Variants in DPH5 observed in about 807,000 individuals in gnomAD.
The protein encoded by DPH5 is diphthamide biosynthesis 5, also known as diphthine methyl ester synthase.
DPH5 carries 31 observed loss-of-function variants against 31.6 expected under a neutral mutation model. The ratio of observed to expected loss-of-function variants is 0.98; its 90% CI spans 0.74 to 1.32. The LOEUF (loss-of-function observed/expected upper bound fraction) is 1.32. Among genes scored for constraint, DPH5 ranks in the 40% most tolerant of loss-of-function variants. DPH5 has a pLI of 0.00. For missense variants in DPH5, 309 were observed against 335.7 expected (o/e 0.92, Z 0.62); for synonymous variants, 120 against 115.0 (o/e 1.04, Z -0.28).
chr1:101,025,407 T>C lies in DPH5; in HGVS notation c.37A>G (p.Lys13Glu), dbSNP rs1434632493. ...YLIGLGLGDA[K>E]DITVKGLEVV... Reference sequence around the variant, plus strand: ...TCCAGGCCCTTGACTGTGATGTCCTTGGCATCTCCCAGGCCCAACCCGATG... The same window carrying C: ...TCCAGGCCCTTGACTGTGATGTCCTCGGCATCTCCCAGGCCCAACCCGATG... Residue 13 changes from lysine (K) to glutamate (E), a missense_variant, in exon 2 of 8, where the codon AAG (lysine) becomes GAG (glutamate). By Grantham distance (56) the Lys-to-Glu change is moderately conservative. Transcript: ENST00000370109. 3 of 1,614,186 alleles carry C rather than the reference T, an allele frequency of 1.9e-6. No homozygotes were observed. The South Asian group carries it at 3.3e-5, about 18-fold the overall frequency.
At chr1:101,006,474 A>G (rs1459280132) in intron 4 of DPH5, among the ~76,000 whole-genome samples, 3 of 152,174 alleles carry the variant, frequency 2.0e-5, no homozygotes, top group African/African-American at 7.2e-5. Flanking sequence ...CAGGTAGTCA[A>G]AAACTGTTCC....
intron 3 of DPH5, among the ~76,000 whole-genome samples, chr1:101,019,203 G>A (rs1475493926): frequency 6.6e-6 from 1 of 152,146 alleles, no homozygotes; most frequent in African/African-American, 2.4e-5. Context: ...AAGTTCTATT[G>A]ATTTAGTATA....
chr1:101,002,847 CAGGA>C (rs1558039212), intron 4 of DPH5, among the ~76,000 whole-genome samples: 1 of 152,092 alleles, frequency 6.6e-6, no homozygotes. Context: ...GGAAGACAAG[CAGGA>C]AGGAAACAGA....
chr1:101,024,577 A>C (rs1660691106), intron 2 of DPH5, among the ~76,000 whole-genome samples: 1 of 152,192 alleles, frequency 6.6e-6, no homozygotes, highest in African/African-American at 2.4e-5. Context: ...CATGACAATA[A>C]ATCTGCTCCC....
intron 5 of DPH5, among the ~76,000 whole-genome samples, chr1:100,998,841 G>A (rs962159761): frequency 2.0e-5 from 3 of 152,164 alleles, no homozygotes; most frequent in African/African-American, 7.2e-5. Context: ...TCAGGGTGCA[G>A]CACATGAGAT....
chr1:101,008,784 A>G lies in DPH5; in HGVS notation c.369+4926T>C, dbSNP rs529605664. 1.2e-3 allele frequency among the ~76,000 whole-genome samples: 178 copies of G among 152,232 alleles called. 1 individual carries two copies. The highest frequency in any genetic ancestry group is 4.2e-3 in the African/African-American group (173 of 41,528). The stretch of plus-strand genomic sequence containing the variant: ...CTTGCCTATCTAGCTAACTTCGTAT[A>G]ATTCATTTTTTTAACCACTTTACTG... On this transcript the variant is annotated intron_variant, in intron 4 of 7. Coordinates refer to ENST00000370109, the MANE Select transcript of DPH5 (RefSeq NM_015958.3).
chr1:101,011,895 C>CTTTT (rs11352737), intron 4 of DPH5, among the ~76,000 whole-genome samples: 50 of 108,160 alleles, frequency 4.6e-4, no homozygotes, highest in Middle Eastern at 6.3e-3. Flanking sequence ...ATTATCAATT[C>CTTTT]TTTTTTTTTT....
At chr1:100,993,549 C>T (rs1208913972) in intron 6 of DPH5, among the ~76,000 whole-genome samples, 16 of 52,914 alleles carry the variant, frequency 3.0e-4, no homozygotes, top group African/African-American at 1.0e-3. Flanking sequence ...AAGACTCTGT[C>T]GAAAATATAA....
chr1:100,997,657 A>G lies in DPH5; in HGVS notation c.491-2508T>C, dbSNP rs538000352. Among the ~76,000 whole-genome samples the G allele has an allele frequency of 1.4e-4, 22 of 152,198 alleles. No homozygotes were observed. In the South Asian group the frequency reaches 4.0e-3, roughly 27 times the overall value. ...TGGGATTACAGGCGTGAGCCACCGC[A>G]CCCGGCCTTTCCTGTCATTTTTAAT... On this transcript the variant is annotated intron_variant, in intron 5 of 7. Transcript: ENST00000370109.
At chr1:101,006,934 G>A (rs1289674984) in intron 4 of DPH5, among the ~76,000 whole-genome samples, 1 of 152,144 alleles carries the variant, frequency 6.6e-6, no homozygotes, top group Non-Finnish European at 1.5e-5. Flanking sequence ...AACTGATAAT[G>A]CAGTTTTTAT....
rs1660481189 is a variant in DPH5, at chr1:101,021,856, AC to A, written c.136-92del. On this transcript the variant is annotated intron_variant, in intron 2 of 7. Transcript: ENST00000370109. Reference sequence around the variant, plus strand: ...CACACACACACACACACACACACACACACTCTTTGTTTGGGACTGGTGCATA... The same window carrying A: ...CACACACACACACACACACACACACAACTCTTTGTTTGGGACTGGTGCATA... The A allele has an allele frequency of 5.2e-6, 6 of 1,146,166 alleles. No homozygotes were observed. In the African/African-American group the frequency reaches 9.8e-5, roughly 19 times the overall value. The allele number at this position is 1,146,166 out of a possible 1,614,324, so 71.0% of individuals were successfully genotyped here. A position where few individuals can be genotyped will look rare whatever the true frequency, so the allele number is the denominator to read the frequency against.
At chr1:101,013,585 G>C in intron 4 of DPH5, 125 bp downstream of exon 4, 2 of 630,776 alleles carry the variant, frequency 3.2e-6, no homozygotes, top group Non-Finnish European at 5.2e-6. Context: ...TATATACTAA[G>C]CAGCCTAGTA....
rs187261790 is a variant in DPH5 at position 101,002,313 on chromosome 1, T to A, written c.370-726A>T. ...AACTAGCTCACTTAAGTGAGTCCAATTTCAAATCTTATGTGAGAAAATCTA... is the reference window on the plus strand; with the variant it reads ...AACTAGCTCACTTAAGTGAGTCCAAATTCAAATCTTATGTGAGAAAATCTA... On this transcript the variant is annotated intron_variant, in intron 4 of 7. Coordinates refer to ENST00000370109, the MANE Select transcript of DPH5 (RefSeq NM_015958.3). 1.8e-3 allele frequency among the ~76,000 whole-genome samples: 280 copies of A among 152,340 alleles called. 1 individual carries two copies. Among genetic ancestry groups the A allele is most frequent in the African/African-American group, 6.1e-3 (252 of 41,580 alleles).
At chr1:101,013,638 T>C (rs569247296) in intron 4 of DPH5, 72 bp downstream of exon 4, 51 of 1,034,774 alleles carry the variant, frequency 4.9e-5, no homozygotes, top group Non-Finnish European at 7.1e-5. Flanking sequence ...TACAATTAAA[T>C]GTATTTTCAA....
intron 3 of DPH5, among the ~76,000 whole-genome samples, chr1:101,015,870 C>T (rs951135471): frequency 6.6e-6 from 1 of 152,186 alleles, no homozygotes; most frequent in Non-Finnish European, 1.5e-5. Flanking sequence ...GCAGCTTCCT[C>T]ACCCCTGTCA....
chr1:100,996,527 G>A (rs1658364242), intron 5 of DPH5, among the ~76,000 whole-genome samples: 2 of 152,110 alleles, frequency 1.3e-5, no homozygotes, highest in African/African-American at 2.4e-5. Flanking sequence ...TAGAATGTAA[G>A]GTTCTCTGAT....
Position 101,025,417 on chromosome 1 carries a change from C to A in DPH5, c.27G>T (p.Leu9=). The change falls in exon 2 of 8, where the codon CTG becomes CTT. Residue 9 remains leucine (L), a synonymous_variant. Coordinates refer to ENST00000370109, the MANE Select transcript of DPH5 (RefSeq NM_015958.3). MLYLIGLG[L]GDAKDITVKG... is the part of the protein sequence containing the mutation. ...TGACTGTGATGTCCTTGGCATCTCC[C>A]AGGCCCAACCCGATGAGATAAAGCA... 1 of 1,614,202 alleles carries A rather than the reference C, an allele frequency of 6.2e-7. No individual in the cohort carries two copies. The highest frequency in any genetic ancestry group is 1.6e-4 in the Middle Eastern group (1 of 6,062).
chr1:101,006,595 G>C (rs2101209073), intron 4 of DPH5, among the ~76,000 whole-genome samples: 1 of 152,090 alleles, frequency 6.6e-6, no homozygotes, highest in Admixed American at 6.5e-5. Flanking sequence ...ACTAAAACTA[G>C]GTGTTCTTTG....
At chr1:101,019,568 A>AT (rs1336924683) in intron 3 of DPH5, among the ~76,000 whole-genome samples, 2 of 152,106 alleles carry the variant, frequency 1.3e-5, no homozygotes, top group Non-Finnish European at 2.9e-5. Context: ...AATAAGGGAT[A>AT]TTTTTTGCTC....
Sources: allele counts gnomAD v4.1 joint callset (sites outside exome capture counted in the v4.1 genomes callset), GRCh38; gene constraint gnomAD v4.1.1; transcripts MANE v1.5; gene names NCBI Gene and HGNC (gene_info 2026-07-23, HGNC 2026-07-21).